IKZF1: variants seen among roughly 807,000 people sequenced by gnomAD.
IKZF1 encodes the protein IKAROS family zinc finger 1.
Under a neutral mutation model 51.7 loss-of-function variants are expected in IKZF1, and 10 were observed. The observed-to-expected ratio is 0.19, with a 90% confidence interval of 0.12 to 0.33. The LOEUF (loss-of-function observed/expected upper bound fraction) is 0.33, where lower values mean the gene tolerates loss of function less well. Ranked by LOEUF, IKZF1 falls within the 10% of genes least tolerant of loss-of-function variation. The pLI is 1.00. For missense variants in IKZF1, 484 were observed against 707.5 expected (o/e 0.68, Z 3.58); for synonymous variants, 280 against 282.3 (o/e 0.99, Z 0.08).
intron 7 of IKZF1, among the ~76,000 whole-genome samples, chr7:50,397,582 A>C (rs1482031708): frequency 6.6e-6 from 1 of 152,228 alleles, no homozygotes; most frequent in Non-Finnish European, 1.5e-5. Flanking sequence ...AATTGGCTAC[A>C]AAGTCCATTC....
At chr7:50,320,621 A>G (rs535646528) in intron 2 of IKZF1, among the ~76,000 whole-genome samples, 1 of 152,146 alleles carries the variant, frequency 6.6e-6, no homozygotes, top group East Asian at 1.9e-4. Flanking sequence ...CCTCTGTCCT[A>G]CTTTCTACTT....
chr7:50,352,526 A>G (rs936369314), intron 3 of IKZF1, among the ~76,000 whole-genome samples: 3 of 152,232 alleles, frequency 2.0e-5, no homozygotes, highest in African/African-American at 7.2e-5. Context: ...TTCTTGACCT[A>G]TCATCACTAG....
chr7:50,397,842 C>T (rs983358758), intron 7 of IKZF1, among the ~76,000 whole-genome samples: 5 of 152,108 alleles, frequency 3.3e-5, no homozygotes, highest in Admixed American at 6.5e-5. Flanking sequence ...TCTGGGAGGG[C>T]GTAACTGGCC....
At chr7:50,340,826 G>A (rs1250311907) in intron 3 of IKZF1, among the ~76,000 whole-genome samples, 2 of 152,196 alleles carry the variant, frequency 1.3e-5, no homozygotes, top group Admixed American at 6.5e-5. Context: ...TGAAATTATT[G>A]TTCTGTAGAG....
chr7:50,339,654 T>C (rs1179402729), intron 3 of IKZF1, among the ~76,000 whole-genome samples: 1 of 151,540 alleles, frequency 6.6e-6, no homozygotes, highest in Non-Finnish European at 1.5e-5. Context: ...CTGGGAAGGC[T>C]GAGGCAGAAG....
rs749604862 is a variant in IKZF1 at position 50,376,621 on chromosome 7, A to G, written c.249A>G (p.Arg83=). The change falls in exon 4 of 8, where the codon CGA becomes CGG. Residue 83 remains arginine (R), a synonymous_variant. Transcript: ENST00000331340. The surrounding 1 kb of genome is among the most constrained non-coding windows in gnomAD (Gnocchi z 4.5). ...GGGAAGAATGTGCGGAGGATTTACG[A>G]ATGCTTGATGCCTCGGGAGAGAAAA... is the stretch of plus-strand genomic sequence containing the variant. ...MNGEECAEDL[R]MLDASGEKMN... is the part of the protein sequence containing the mutation. 1 of 1,613,950 alleles carries G rather than the reference A, an allele frequency of 6.2e-7. No individual in the cohort carries two copies. Among genetic ancestry groups the G allele is most frequent in the Non-Finnish European group, 8.5e-7 (1 of 1,179,876 alleles).
chr7:50,343,873 T>C (rs1023764032), intron 3 of IKZF1, among the ~76,000 whole-genome samples: 12 of 152,234 alleles, frequency 7.9e-5, no homozygotes, highest in Non-Finnish European at 1.5e-5. Flanking sequence ...TTTATTTTCC[T>C]TTTAGAAATA....
intron 3 of IKZF1, among the ~76,000 whole-genome samples, chr7:50,342,874 C>T (rs1268286757): frequency 6.6e-6 from 1 of 152,178 alleles, no homozygotes; most frequent in East Asian, 1.9e-4. Context: ...AGCGTGTGCT[C>T]CTGTGGCGGC....
chr7:50,344,500 A>T (rs896047415), intron 3 of IKZF1, among the ~76,000 whole-genome samples: 1 of 152,210 alleles, frequency 6.6e-6, no homozygotes, highest in African/African-American at 2.4e-5. Context: ...TGGGAAACAC[A>T]TTTTACAACT....
chr7:50,340,273 GA>G (rs1163245531), intron 3 of IKZF1, among the ~76,000 whole-genome samples: 1 of 152,256 alleles, frequency 6.6e-6, no homozygotes, highest in African/African-American at 2.4e-5. Context: ...CAGCTGCAGG[GA>G]TCTCAGAGAG....
chr7:50,378,266 G>A (rs1022073401), intron 4 of IKZF1, among the ~76,000 whole-genome samples: 4 of 152,080 alleles, frequency 2.6e-5, no homozygotes, highest in African/African-American at 9.7e-5. Flanking sequence ...CTAAAATTAA[G>A]CAAACTTTGC....
chr7:50,400,228 G>A lies in IKZF1; in HGVS notation c.1161G>A (p.Glu387=). 1 of 1,601,804 alleles carries A rather than the reference G, an allele frequency of 6.2e-7. No individual in the cohort carries two copies. The highest frequency in any genetic ancestry group is 8.5e-7 in the Non-Finnish European group (1 of 1,174,958). The change falls in exon 8 of 8, where the codon GAG becomes GAA. Residue 387 remains glutamate (E), a synonymous_variant. Coordinates refer to ENST00000331340, the MANE Select transcript of IKZF1 (RefSeq NM_006060.6). This position sits in a 1 kb window ranked among gnomAD's most constrained non-coding sequence, Gnocchi z 5.4. ...CCAAGTTGGTGCCCTCGGAGCGCGA[G>A]GCGTCCCCGAGCAACAGCTGCCAAG... ...SKAKLVPSER[E]ASPSNSCQDS...
At chr7:50,381,954 G>T (rs1278135401) in intron 4 of IKZF1, among the ~76,000 whole-genome samples, 1 of 152,084 alleles carries the variant, frequency 6.6e-6, no homozygotes, top group Non-Finnish European at 1.5e-5. Flanking sequence ...TGATTTGTCT[G>T]CTTAGGGACA....
chr7:50,375,658 G>C (rs913792999), intron 3 of IKZF1, among the ~76,000 whole-genome samples: 2 of 151,552 alleles, frequency 1.3e-5, no homozygotes, highest in Admixed American at 6.6e-5. Flanking sequence ...CAGTAATGCA[G>C]AGTCAATAGT....
chr7:50,328,316 A>C (rs1795605750), intron 3 of IKZF1: 1 of 152,262 alleles, frequency 6.6e-6, no homozygotes, highest in African/African-American at 2.4e-5. Flanking sequence ...CTGCAACTCC[A>C]CTGGTTAACT....
chr7:50,333,328 C>T lies in IKZF1; in HGVS notation c.160+5571C>T, dbSNP rs891573631. Among the ~76,000 whole-genome samples the T allele has an allele frequency of 9.7e-3, 1,149 of 118,392 alleles. 15 individuals carry two copies. Among genetic ancestry groups the T allele is most frequent in the African/African-American group, 0.037 (1,087 of 29,706 alleles). 77.7% of individuals were successfully genotyped at this position (118,392 alleles called of 152,430 possible). The stretch of plus-strand genomic sequence containing the variant: ...TCAGGCAGAAGACCAGCACGGTAGT[C>T]GGGGGAGGGGGGTGGGTAGACAAAT... On this transcript the variant is annotated intron_variant, in intron 3 of 7. Coordinates refer to ENST00000331340, the MANE Select transcript of IKZF1 (RefSeq NM_006060.6).
intron 3 of IKZF1, among the ~76,000 whole-genome samples, chr7:50,373,595 C>G (rs1809367970): frequency 6.6e-6 from 1 of 152,172 alleles, no homozygotes; most frequent in South Asian, 2.1e-4. Context: ...AAAAACTTGC[C>G]ACACCAATCT....
At chr7:50,337,336 G>A (rs1798035142) in intron 3 of IKZF1, among the ~76,000 whole-genome samples, 1 of 152,174 alleles carries the variant, frequency 6.6e-6, no homozygotes, top group Admixed American at 6.5e-5. Context: ...CAGCCCCAGG[G>A]TAGGCCGGCG....
chr7:50,315,558 G>A (rs1454953561), intron 1 of IKZF1, among the ~76,000 whole-genome samples: 1 of 152,242 alleles, frequency 6.6e-6, no homozygotes, highest in Non-Finnish European at 1.5e-5. Flanking sequence ...GAATTGCACA[G>A]GTAAAAGGTA....
Sources: gnomAD v4.1 joint callset for allele counts (sites outside exome capture counted in the v4.1 genomes callset) on GRCh38, gnomAD v4.1.1 for gene constraint, Gnocchi (gnomAD v3.1) non-coding constraint, MANE v1.5 for transcripts, NCBI Gene and HGNC (gene_info 2026-07-23, HGNC 2026-07-21) for gene names.